HYDIN: variants seen among roughly 807,000 people sequenced by gnomAD.
HYDIN encodes the protein HYDIN axonemal central pair apparatus protein.
In HYDIN, 132 loss-of-function variants were observed where a neutral mutation model predicts 403.9. The observed-to-expected ratio is 0.33, with a 90% CI of 0.28 to 0.38. The LOEUF is 0.38. HYDIN is among the 10% of genes least tolerant of loss of function. HYDIN has a pLI of 1.00. For missense variants in HYDIN, 2,827 were observed against 5,009.5 expected, an observed-to-expected ratio of 0.56 and a Z score of 13.15; for synonymous variants, 1,202 against 1,891.7, an observed-to-expected ratio of 0.64 and a Z score of 9.46.
chr16:71,170,330 T>C (rs910570354), intron 5 of HYDIN, among the ~76,000 whole-genome samples: 1 of 152,194 alleles, frequency 6.6e-6, no homozygotes, highest in Non-Finnish European at 1.5e-5. Context: ...TAGGGAATGA[T>C]CTTTATTGGA....
chr16:70,861,044 T>G (rs947336763), intron 69 of HYDIN, 143 bp from the exon 70 acceptor site: 17 of 610,038 alleles, frequency 2.8e-5, no homozygotes, highest in African/African-American at 2.8e-4. Flanking sequence ...ATAGCATCAC[T>G]CAGTGCCTTG....
At chr16:70,818,933 GAGA>G (rs1327431933) in intron 83 of HYDIN, among the ~76,000 whole-genome samples, 1 of 151,832 alleles carries the variant, frequency 6.6e-6, no homozygotes, top group Non-Finnish European at 1.5e-5. Context: ...TCTTTCTTTC[GAGA>G]AGGAGTCTCA....
chr16:70,926,334 C>T lies in HYDIN; in HGVS notation c.7159-5117G>A, dbSNP rs1221573819. Among the ~76,000 whole-genome samples the T allele has an allele frequency of 2.6e-5, 4 of 151,838 alleles. No homozygotes were observed. In the South Asian group the frequency reaches 6.2e-4, roughly 24 times the overall value. ...TAGGGACATGGATGAAATTGGAAATCATCATTCTCAGTAAACTATTGCAAG... is the reference window on the plus strand; with the variant it reads ...TAGGGACATGGATGAAATTGGAAATTATCATTCTCAGTAAACTATTGCAAG... On this transcript the variant is annotated intron_variant, in intron 45 of 85. Transcript: ENST00000393567.
At chr16:70,875,880 G>A (rs994561159) in intron 62 of HYDIN, among the ~76,000 whole-genome samples, 1 of 152,162 alleles carries the variant, frequency 6.6e-6, no homozygotes, top group Non-Finnish European at 1.5e-5. Context: ...AACAGGGAAT[G>A]GGTGGATAGG....
At chr16:70,937,228 C>A (rs1327675046) in intron 44 of HYDIN, among the ~76,000 whole-genome samples, 1 of 150,382 alleles carries the variant, frequency 6.6e-6, no homozygotes, top group African/African-American at 2.5e-5. Context: ...CCAAGTCCAC[C>A]ATGAGATGAA....
intron 1 of HYDIN, among the ~76,000 whole-genome samples, chr16:71,218,532 T>G (rs2089013506): frequency 6.6e-6 from 1 of 152,252 alleles, no homozygotes; most frequent in African/African-American, 2.4e-5. Context: ...CAGAACCATC[T>G]GTTTAATTGT....
At chr16:70,976,532 A>G (rs1288631424) in intron 30 of HYDIN, among the ~76,000 whole-genome samples, 1 of 151,010 alleles carries the variant, frequency 6.6e-6, no homozygotes, top group Non-Finnish European at 1.5e-5. Flanking sequence ...ACATACACAC[A>G]TGCATGTAAA....
chr16:71,176,773 T>C (rs1597955297), intron 4 of HYDIN, among the ~76,000 whole-genome samples: 3 of 152,248 alleles, frequency 2.0e-5, no homozygotes, highest in East Asian at 3.8e-4. Flanking sequence ...TGGGTCCTTA[T>C]CATTTTAACC....
chr16:71,207,606 C>CA (rs1321378012), intron 1 of HYDIN, among the ~76,000 whole-genome samples: 4 of 152,158 alleles, frequency 2.6e-5, no homozygotes, highest in South Asian at 2.1e-4. Context: ...CTTGATGCCC[C>CA]AGTTAAAAGG....
intron 2 of HYDIN, 29 bp from the exon 3 acceptor site, chr16:71,185,019 ATTCTTAAGTGGATGTACTGAAAAAGTGT>A: frequency 6.5e-7 from 1 of 1,541,608 alleles, no homozygotes; most frequent in Non-Finnish European, 8.8e-7. Context: ...AGAACCAAAG[ATTCTTAAGTGGATGTACTGAAAAAGTGT>A]TTTCATAAGT....
Position 71,230,623 on chromosome 16 carries a change from A to G in HYDIN, c.-85T>C, listed in dbSNP as rs554497879. ...CATTCCCCGCCAAGACCCCGCGTCC[A>G]ACTCACAGACCCCGCCGCCGCTGAG... On this transcript the variant is annotated 5_prime_UTR_variant, in exon 1 of 86. Transcript: ENST00000393567. 15 of 1,536,014 alleles carry G rather than the reference A, an allele frequency of 9.8e-6. No homozygotes were observed. The East Asian group carries it at 3.4e-4, about 35-fold the overall frequency.
At chr16:71,109,640 C>T (rs1416219546) in intron 10 of HYDIN, among the ~76,000 whole-genome samples, 3 of 135,192 alleles carry the variant, frequency 2.2e-5, no homozygotes, top group South Asian at 2.2e-4. Flanking sequence ...GTAAGCAAAG[C>T]TCTTCCCTGG....
intron 7 of HYDIN, among the ~76,000 whole-genome samples, chr16:71,137,657 A>C (rs2084982782): frequency 6.6e-6 from 1 of 152,096 alleles, no homozygotes; most frequent in South Asian, 2.1e-4. Context: ...CTACAGCCTG[A>C]CCAGGAGAGC....
chr16:70,911,405 G>A (rs1317651754), intron 47 of HYDIN, among the ~76,000 whole-genome samples: 80 of 149,976 alleles, frequency 5.3e-4, no homozygotes, highest in African/African-American at 1.8e-3. Context: ...TTGCTTTGTC[G>A]AAGACCAGTT....
intron 23 of HYDIN, among the ~76,000 whole-genome samples, chr16:70,994,295 A>C (rs1309560743): frequency 6.6e-6 from 1 of 150,934 alleles, no homozygotes; most frequent in Non-Finnish European, 1.5e-5. Context: ...GGATGGATGG[A>C]TGGATGGATG....
chr16:71,116,344 A>T (rs866946088), intron 9 of HYDIN, among the ~76,000 whole-genome samples: 1 of 151,140 alleles, frequency 6.6e-6, no homozygotes, highest in Non-Finnish European at 1.5e-5. Context: ...AGATTCATCC[A>T]TGTTGTCACA....
At chr16:70,902,821 A>ATATATATATT in intron 52 of HYDIN, among the ~76,000 whole-genome samples, 77 of 47,250 alleles carry the variant, frequency 1.6e-3, no homozygotes, top group Admixed American at 3.6e-3. Flanking sequence ...ATATATATAT[A>ATATATATATT]TTTTTTTTTT....
intron 84 of HYDIN, among the ~76,000 whole-genome samples, chr16:70,813,247 G>A (rs866174014): frequency 1.3e-5 from 2 of 150,670 alleles, no homozygotes; most frequent in African/African-American, 4.9e-5. Flanking sequence ...CACCGCGCCC[G>A]GCCTGTGGCT....
intron 7 of HYDIN, among the ~76,000 whole-genome samples, chr16:71,141,068 A>G (rs2085150425): frequency 1.3e-5 from 2 of 151,880 alleles, no homozygotes; most frequent in South Asian, 4.1e-4. Flanking sequence ...TAAAATAGAA[A>G]TTGATAGAAT....
Sources: gnomAD v4.1 joint callset for allele counts (sites outside exome capture counted in the v4.1 genomes callset) on GRCh38, gnomAD v4.1.1 for gene constraint, MANE v1.5 for transcripts, NCBI Gene and HGNC (gene_info 2026-07-23, HGNC 2026-07-21) for gene names.